NPIPB8: variants seen among roughly 807,000 people sequenced by gnomAD.
NPIPB8 encodes nuclear pore complex interacting protein family member B8, also known as nuclear pore complex-interacting protein family member B8.
NPIPB8 carries 3 observed loss-of-function variants against 5.3 expected under a neutral mutation model. That is an observed-to-expected ratio of 0.57 (90% confidence interval 0.26 to 1.47). The LOEUF is 1.47. Ranked by LOEUF, NPIPB8 falls within the 40% of genes most tolerant of loss-of-function variation. NPIPB8 has a pLI of 0.13. For synonymous variants in NPIPB8, 18 were observed against 23.0 expected, an observed-to-expected ratio of 0.78 and a Z score of 0.62; for missense variants, 50 against 50.2, an observed-to-expected ratio of 1.00 and a Z score of 0.01.
chr16:28,644,193 A>C (rs2047954315), intron 2 of NPIPB8, among the ~76,000 whole-genome samples: 1 of 79,454 alleles, frequency 1.3e-5, no homozygotes. Context: ...AGATAGCAGA[A>C]CCTTTTTGTC....
intron 2 of NPIPB8, among the ~76,000 whole-genome samples, chr16:28,644,940 A>C (rs1457238958): frequency 1.9e-5 from 2 of 103,040 alleles, no homozygotes; most frequent in Non-Finnish European, 4.1e-5. Context: ...TGGACGTTGC[A>C]GTGAGCTGAG....
At chr16:28,638,218 G>C in intron 1 of NPIPB8, 68 bp downstream of exon 1, 18 of 1,450,970 alleles carry the variant, frequency 1.2e-5, no homozygotes, top group Non-Finnish European at 1.6e-5. Flanking sequence ...TTTGAACTTG[G>C]TTCTGTCCTT....
chr16:28,657,307 C>G lies in NPIPB8; in HGVS notation c.696+639C>G. 5 of 575,370 alleles carry G rather than the reference C, an allele frequency of 8.7e-6. 2 individuals are homozygous for G. The highest frequency in any genetic ancestry group is 1.4e-3 in the Middle Eastern group (2 of 1,414). 35.6% of individuals were successfully genotyped at this position (575,370 alleles called of 1,614,324 possible). On this transcript the variant is annotated intron_variant, in intron 7 of 7. Coordinates refer to ENST00000683297, the MANE Select transcript of NPIPB8 (RefSeq NM_001310136.2). Reference sequence around the variant, plus strand: ...TTCAGGAATCCACATCTCTCCAGAGCTCTTTGTTCTCATGGGTGGCACCTC... The same window carrying G: ...TTCAGGAATCCACATCTCTCCAGAGGTCTTTGTTCTCATGGGTGGCACCTC...
At chr16:28,639,455 ATT>A (rs1181691602) in intron 2 of NPIPB8, among the ~76,000 whole-genome samples, 15 of 120,838 alleles carry the variant, frequency 1.2e-4, no homozygotes, top group Admixed American at 7.4e-4. Flanking sequence ...ATATATATAT[ATT>A]TTTTTTTTTT....
upstream of NPIPB8, chr16:28,637,919 T>C (rs145680478): frequency 3.2e-3 from 1,580 of 496,762 alleles, 23 homozygotes; most frequent in African/African-American, 0.029. Context: ...TAATTAGTAA[T>C]ATAAAAATGA....
chr16:28,642,199 G>C, intron 2 of NPIPB8, among the ~76,000 whole-genome samples: 2 of 150,942 alleles, frequency 1.3e-5, no homozygotes, highest in East Asian at 2.0e-4. Flanking sequence ...TCCGCCTCCC[G>C]GGCCCAAGGG....
intron 2 of NPIPB8, among the ~76,000 whole-genome samples, chr16:28,642,890 C>G (rs573938181): frequency 1.3e-5 from 2 of 152,278 alleles, no homozygotes; most frequent in Non-Finnish European, 1.5e-5. Context: ...TTCACAATAA[C>G]CTTATGTCAT....
chr16:28,640,419 G>C (rs2047875230), intron 2 of NPIPB8, among the ~76,000 whole-genome samples: 1 of 152,168 alleles, frequency 6.6e-6, no homozygotes, highest in African/African-American at 2.4e-5. Flanking sequence ...TGCTCCAAGA[G>C]ATGAAGGAGA....
chr16:28,638,811 G>C (rs371635270), intron 2 of NPIPB8, among the ~76,000 whole-genome samples: 1 of 149,688 alleles, frequency 6.7e-6, no homozygotes, highest in Admixed American at 6.6e-5. Flanking sequence ...ACTCATGCCT[G>C]TAATCCCAGC....
chr16:28,640,281 G>A (rs2047872235), intron 2 of NPIPB8, among the ~76,000 whole-genome samples: 1 of 150,656 alleles, frequency 6.6e-6, no homozygotes. Context: ...TGTACAAAAT[G>A]TACACCACTG....
intron 2 of NPIPB8, among the ~76,000 whole-genome samples, chr16:28,643,008 G>A (rs1335868329): frequency 6.6e-6 from 1 of 152,170 alleles, no homozygotes; most frequent in East Asian, 1.9e-4. Flanking sequence ...AAGTTTAGCT[G>A]AGGACAGGGC....
intron 2 of NPIPB8, among the ~76,000 whole-genome samples, chr16:28,641,118 A>C (rs3987687): frequency 1.3e-4 from 19 of 151,940 alleles, no homozygotes; most frequent in African/African-American, 4.4e-4. Flanking sequence ...CCAAAACATC[A>C]TGGGGCCTGA....
At chr16:28,643,044 T>C (rs1376477780) in intron 2 of NPIPB8, among the ~76,000 whole-genome samples, 1 of 151,396 alleles carries the variant, frequency 6.6e-6, no homozygotes, top group Non-Finnish European at 1.5e-5. Context: ...ACAGTGGGGG[T>C]CTGTCCTGGT....
intron 2 of NPIPB8, among the ~76,000 whole-genome samples, chr16:28,640,784 T>A (rs146782297): frequency 6.4e-4 from 97 of 152,164 alleles, no homozygotes; most frequent in Non-Finnish European, 1.0e-3. Context: ...TTTGGTCGAA[T>A]GTAATCAGCA....
intron 2 of NPIPB8, among the ~76,000 whole-genome samples, chr16:28,641,189 C>T (rs1249148051): frequency 6.6e-6 from 1 of 151,714 alleles, no homozygotes; most frequent in East Asian, 1.9e-4. Flanking sequence ...GACCAGGACA[C>T]AGAGGTCTTA....
intron 2 of NPIPB8, among the ~76,000 whole-genome samples, chr16:28,643,533 A>ATT: frequency 1.3e-4 from 8 of 62,660 alleles, no homozygotes; most frequent in African/African-American, 4.9e-4. Context: ...AATAATTTTG[A>ATT]ATTAGCTTTT....
At chr16:28,641,068 G>A (rs937544523) in intron 2 of NPIPB8, among the ~76,000 whole-genome samples, 12 of 151,942 alleles carry the variant, frequency 7.9e-5, no homozygotes, top group South Asian at 4.2e-4. Context: ...CCCCTGTGTC[G>A]TGCATGTATT....
At chr16:28,642,340 G>C (rs1198574981) in intron 2 of NPIPB8, among the ~76,000 whole-genome samples, 1 of 152,084 alleles carries the variant, frequency 6.6e-6, no homozygotes, top group Admixed American at 6.6e-5. Context: ...TCCTAACCTT[G>C]TGATCCACCT....
Position 28,639,455 on chromosome 16 carries a change from A to ATAT in NPIPB8, c.120+976_120+977insATT, listed in dbSNP as rs1342219323. ...CACACACACACACACATATATATAT[A>ATAT]TTTTTTTTTTTTTTTTTTTGAGACA... is the stretch of plus-strand genomic sequence containing the variant. On this transcript the variant is annotated intron_variant, in intron 2 of 7. Coordinates refer to ENST00000683297, the MANE Select transcript of NPIPB8 (RefSeq NM_001310136.2). 2.6e-3 allele frequency among the ~76,000 whole-genome samples: 311 copies of ATAT among 120,846 alleles called. 4 individuals are homozygous for ATAT. The highest frequency in any genetic ancestry group is 8.0e-3 in the African/African-American group (254 of 31,630). The allele number at this position is 120,846 out of a possible 152,430, so 79.3% of individuals were successfully genotyped here. A position where few individuals can be genotyped will look rare whatever the true frequency, so the allele number is the denominator to read the frequency against.
Sources: allele counts gnomAD v4.1 joint callset (sites outside exome capture counted in the v4.1 genomes callset), GRCh38; gene constraint gnomAD v4.1.1; transcripts MANE v1.5; gene names NCBI Gene and HGNC (gene_info 2026-07-23, HGNC 2026-07-21).